Variants in B4GALNT3 observed in about 807,000 individuals in gnomAD.
B4GALNT3 encodes the protein beta-1,4-N-acetyl-galactosaminyltransferase 3, also known as beta-1,4-N-acetylgalactosaminyltransferase 3.
A neutral mutation model predicts 120.2 loss-of-function variants in B4GALNT3; 86 were observed. The ratio of observed to expected loss-of-function variants is 0.72; its 90% CI spans 0.60 to 0.86. The LOEUF is 0.86. Ranked by LOEUF, B4GALNT3 falls within the 40% of genes least tolerant of loss-of-function variation. B4GALNT3 has a pLI of 0.00. For missense variants in B4GALNT3, 1,167 were observed against 1,298.9 expected, an observed-to-expected ratio of 0.90 and a Z score of 1.56; for synonymous variants, 518 against 510.4, an observed-to-expected ratio of 1.01 and a Z score of -0.20.
intron 17 of B4GALNT3, 51 bp from the exon 18 acceptor site, chr12:558,457 T>G: frequency 1.3e-6 from 2 of 1,579,954 alleles, no homozygotes; most frequent in African/African-American, 1.4e-5. Flanking sequence ...CGACCTGACC[T>G]CCTAGCTCTG....
intron 19 of B4GALNT3, among the ~76,000 whole-genome samples, chr12:561,100 T>G (rs148132269): frequency 0.019 from 2,958 of 152,318 alleles, 38 homozygotes; most frequent in Non-Finnish European, 0.029. Context: ...ATCCTCTCAT[T>G]ACACGTATGT....
chr12:536,416 G>A, intron 3 of B4GALNT3, 121 bp downstream of exon 3: 1 of 691,684 alleles, frequency 1.4e-6, no homozygotes, highest in Non-Finnish European at 2.4e-6. Flanking sequence ...CTCTTTGAGA[G>A]AGCTAAAAAA....
chr12:463,635 A>G (rs1208501795), intron 1 of B4GALNT3, among the ~76,000 whole-genome samples: 1 of 152,248 alleles, frequency 6.6e-6, no homozygotes, highest in African/African-American at 2.4e-5. Context: ...TAGGACGCAT[A>G]TGTTTCTGTG....
intron 1 of B4GALNT3, among the ~76,000 whole-genome samples, chr12:492,623 T>C (rs968291696): frequency 3.3e-5 from 5 of 152,172 alleles, no homozygotes; most frequent in Admixed American, 6.5e-5. Context: ...GATTCTAAAA[T>C]TTATATGGAG....
At chr12:535,104 T>G (rs1946844978) in intron 1 of B4GALNT3, 62 bp from the exon 2 acceptor site, 2 of 1,387,464 alleles carry the variant, frequency 1.4e-6, no homozygotes, top group South Asian at 2.4e-5. Context: ...TCCCAAATCT[T>G]TTAGGTGTAT....
rs1030454649 is a variant in B4GALNT3 at position 499,013 on chromosome 12, G to A, written c.170-36153G>A. Among the ~76,000 whole-genome samples, 3 of 152,176 alleles carry A rather than the reference G, an allele frequency of 2.0e-5. 1 individual carries two copies. Among genetic ancestry groups the A allele is most frequent in the Non-Finnish European group, 2.9e-5 (2 of 68,024 alleles). ...TCTGGGGACAGGATAATGGAGCTTT[G>A]GCATACAGAGAGGACACAAAATCTG... On this transcript the variant is annotated intron_variant, in intron 1 of 19. Transcript: ENST00000266383.
intron 1 of B4GALNT3, among the ~76,000 whole-genome samples, chr12:463,355 A>G (rs1314403984): frequency 3.3e-5 from 5 of 152,218 alleles, no homozygotes; most frequent in Non-Finnish European, 7.3e-5. Context: ...CATATGCAGA[A>G]GGAGATACAA....
intron 1 of B4GALNT3, among the ~76,000 whole-genome samples, chr12:473,864 T>A (rs557880867): frequency 6.6e-6 from 1 of 152,162 alleles, no homozygotes; most frequent in African/African-American, 2.4e-5. Flanking sequence ...GGATTTGAGA[T>A]GGTGATGCTA....
chr12:482,339 T>C (rs548164513), intron 1 of B4GALNT3, among the ~76,000 whole-genome samples: 100 of 152,272 alleles, frequency 6.6e-4, no homozygotes, highest in African/African-American at 2.4e-3. Flanking sequence ...TCAGGAAACA[T>C]CTCCTTGGCT....
intron 1 of B4GALNT3, among the ~76,000 whole-genome samples, chr12:507,855 TGGAAATCCAGTAGTACC>T (rs1474949090): frequency 7.0e-6 from 1 of 142,722 alleles, no homozygotes; most frequent in Non-Finnish European, 1.6e-5. Context: ...CACCTGCCCC[TGGAAATCCAGTAGTACC>T]TTGGTGGACA....
chr12:523,173 G>GC (rs1946728932), intron 1 of B4GALNT3, among the ~76,000 whole-genome samples: 2 of 152,052 alleles, frequency 1.3e-5, no homozygotes, highest in South Asian at 4.1e-4. Context: ...CAATGTCAGG[G>GC]CCAGTGTCTG....
intron 1 of B4GALNT3, among the ~76,000 whole-genome samples, chr12:503,191 G>A (rs73590387): frequency 2.0e-5 from 3 of 152,088 alleles, no homozygotes; most frequent in Non-Finnish European, 4.4e-5. Context: ...AAATCCTGGG[G>A]ATTGTGAGCG....
chr12:489,817 T>G (rs557700934), intron 1 of B4GALNT3, among the ~76,000 whole-genome samples: 2 of 152,330 alleles, frequency 1.3e-5, no homozygotes, highest in East Asian at 1.9e-4. Context: ...TACTAATTCT[T>G]CTCAAGCTCA....
chr12:465,583 A>G (rs1005330787), intron 1 of B4GALNT3, among the ~76,000 whole-genome samples: 3 of 152,022 alleles, frequency 2.0e-5, no homozygotes, highest in Non-Finnish European at 4.4e-5. Context: ...GCAGTTTTTG[A>G]CAATAGGTGA....
At chr12:521,974 T>TA (rs1449924737) in intron 1 of B4GALNT3, among the ~76,000 whole-genome samples, 2 of 151,164 alleles carry the variant, frequency 1.3e-5, no homozygotes, top group African/African-American at 4.9e-5. Flanking sequence ...AAGTTCTTTT[T>TA]TTTTTTTTAA....
rs1221885520 is a variant in B4GALNT3, at chr12:545,089, A to G, written c.538+117A>G. The G allele has an allele frequency of 2.7e-6, 4 of 1,465,482 alleles. No individual in the cohort carries two copies. In the Admixed American group the frequency reaches 7.7e-5, roughly 28 times the overall value. 90.8% of individuals were successfully genotyped at this position (1,465,482 alleles called of 1,614,324 possible). On this transcript the variant is annotated intron_variant, in intron 5 of 19. Transcript: ENST00000266383. Reference sequence around the variant, plus strand: ...ACTAACTTCCTGTTAGTCCACCCTCAGGAAGAGAGGGGAAATTGAGTCATA... The same window carrying G: ...ACTAACTTCCTGTTAGTCCACCCTCGGGAAGAGAGGGGAAATTGAGTCATA...
chr12:510,502 G>GGAGCTGGCTGGGCTGGGA (rs556557465), intron 1 of B4GALNT3, among the ~76,000 whole-genome samples: 1 of 147,362 alleles, frequency 6.8e-6, no homozygotes, highest in Non-Finnish European at 1.5e-5. Context: ...GGAGGGAAAC[G>GGAGCTGGCTGGGCTGGGA]GGCCCTTTCA....
At position 528,845 on chromosome 12, in the gene B4GALNT3, C is replaced by T. The variant is rs75354880; in HGVS notation, c.170-6321C>T. Among the ~76,000 whole-genome samples, 714 of 152,316 alleles carry T rather than the reference C, an allele frequency of 4.7e-3. 5 individuals are homozygous for T. The highest frequency in any genetic ancestry group is 0.016 in the African/African-American group (670 of 41,560). On this transcript the variant is annotated intron_variant, in intron 1 of 19. Coordinates refer to ENST00000266383, the MANE Select transcript of B4GALNT3 (RefSeq NM_173593.4). ...AACTGCGCCCTGGATGTCATGGCCT[C>T]ATGTTCATTCCCTTGACAACCTCCT...
In B4GALNT3 at chr12:506,878, C is replaced by T. The variant is rs373062903; in HGVS notation, c.170-28288C>T. 7.2e-5 allele frequency among the ~76,000 whole-genome samples: 11 copies of T among 152,300 alleles called. No homozygotes were observed. The East Asian group carries it at 1.5e-3, about 21-fold the overall frequency. ...GTCTCGATCTCCTGACCTCGTGATC[C>T]GCCCGCCTCGGCCTCCCGAAGTGCT... On this transcript the variant is annotated intron_variant, in intron 1 of 19. Coordinates refer to ENST00000266383, the MANE Select transcript of B4GALNT3 (RefSeq NM_173593.4).
Sources: gnomAD v4.1 joint callset for allele counts (sites outside exome capture counted in the v4.1 genomes callset) on GRCh38, gnomAD v4.1.1 for gene constraint, MANE v1.5 for transcripts, NCBI Gene and HGNC (gene_info 2026-07-23, HGNC 2026-07-21) for gene names.